Variants in MAGI2 observed in about 807,000 individuals in gnomAD.
MAGI2 encodes the protein membrane associated guanylate kinase, WW and PDZ domain containing 2.
In MAGI2, 35 loss-of-function variants were observed where a neutral mutation model predicts 133.3. The observed-to-expected ratio is 0.26, with a 90% confidence interval of 0.20 to 0.35. MAGI2 has a LOEUF of 0.35. Among genes scored for constraint, MAGI2 ranks in the 10% least tolerant of loss-of-function variants. The pLI is 1.00. For missense variants in MAGI2, 1,636 were observed against 1,863.4 expected, an observed-to-expected ratio of 0.88 and a Z score of 2.25; for synonymous variants, 729 against 710.6, an observed-to-expected ratio of 1.03 and a Z score of -0.41.
At chr7:79,156,035 C>A (rs1443846169) in intron 1 of MAGI2, among the ~76,000 whole-genome samples, 1 of 152,104 alleles carries the variant, frequency 6.6e-6, no homozygotes, top group Non-Finnish European at 1.5e-5. Context: ...TGCCTGAACT[C>A]TTTCAAAATC....
At chr7:78,635,727 A>G (rs538974434) in intron 2 of MAGI2, among the ~76,000 whole-genome samples, 1 of 152,306 alleles carries the variant, frequency 6.6e-6, no homozygotes, top group Non-Finnish European at 1.5e-5. Flanking sequence ...ACTATCTCTT[A>G]GATTCTTGAA....
intron 3 of MAGI2, among the ~76,000 whole-genome samples, chr7:78,559,751 T>G (rs924864823): frequency 3.9e-5 from 6 of 152,146 alleles, no homozygotes; most frequent in Non-Finnish European, 8.8e-5. Flanking sequence ...TGTGACTTTA[T>G]ACTCATAGTC....
chr7:78,501,507 T>A, intron 5 of MAGI2, 70 bp downstream of exon 5: 12 of 1,201,780 alleles, frequency 1.0e-5, no homozygotes, highest in Non-Finnish European at 1.2e-5. Flanking sequence ...TTTCCACGTC[T>A]AACTTGCTAC....
intron 16 of MAGI2, among the ~76,000 whole-genome samples, chr7:78,143,876 G>A (rs1164023221): frequency 6.7e-6 from 1 of 149,976 alleles, no homozygotes; most frequent in African/African-American, 2.4e-5. Flanking sequence ...ATCTTATTCA[G>A]TGTTGCTTAA....
chr7:78,741,169 G>A (rs1271424834), intron 2 of MAGI2, among the ~76,000 whole-genome samples: 2 of 152,022 alleles, frequency 1.3e-5, no homozygotes, highest in African/African-American at 4.8e-5. Flanking sequence ...GGAAGTAAGA[G>A]CTATAGGAAT....
At chr7:78,818,769 A>G (rs2151422785) in intron 2 of MAGI2, among the ~76,000 whole-genome samples, 1 of 152,078 alleles carries the variant, frequency 6.6e-6, no homozygotes, top group East Asian at 1.9e-4. Flanking sequence ...CTTTCTTTCA[A>G]TCAATCTTAT....
intron 6 of MAGI2, among the ~76,000 whole-genome samples, chr7:78,375,637 C>A (rs1229875531): frequency 6.6e-6 from 1 of 151,520 alleles, no homozygotes; most frequent in Admixed American, 6.6e-5. Context: ...AATGACTGTA[C>A]AAAAGAAAAT....
chr7:79,335,690 T>C (rs1840389170), intron 1 of MAGI2, among the ~76,000 whole-genome samples: 1 of 152,054 alleles, frequency 6.6e-6, no homozygotes, highest in Non-Finnish European at 1.5e-5. Context: ...GTAAATCTTT[T>C]TGACAAAATT....
At chr7:78,816,236 G>C in intron 2 of MAGI2, among the ~76,000 whole-genome samples, 1 of 152,302 alleles carries the variant, frequency 6.6e-6, no homozygotes, top group South Asian at 2.1e-4. Context: ...AAAGAGGTGA[G>C]GAAGTTGCAG....
chr7:79,199,857 AGTAAGTTTCTTTTTCTCTGG>A (rs909302705), intron 1 of MAGI2, among the ~76,000 whole-genome samples: 6 of 151,970 alleles, frequency 3.9e-5, no homozygotes, highest in African/African-American at 1.5e-4. Context: ...TTTGGGATGG[AGTAAGTTTCTTTTTCTCTGG>A]GGTGACTGTG....
intron 1 of MAGI2, among the ~76,000 whole-genome samples, chr7:79,068,777 T>C (rs139704229): frequency 0.036 from 5,554 of 152,314 alleles, 216 homozygotes; most frequent in African/African-American, 0.098. Context: ...CCAGAGATTC[T>C]GGTACGTTGT....
intron 1 of MAGI2, among the ~76,000 whole-genome samples, chr7:79,330,178 ATCTTTTTTTT>A (rs1363561278): frequency 1.9e-5 from 2 of 104,426 alleles, no homozygotes; most frequent in African/African-American, 7.7e-5. Flanking sequence ...AACAATCTGC[ATCTTTTTTTT>A]TTTTTTTTTT....
chr7:78,550,849 G>A (rs1252590434), intron 3 of MAGI2, among the ~76,000 whole-genome samples: 2 of 151,780 alleles, frequency 1.3e-5, no homozygotes, highest in Admixed American at 1.3e-4. Context: ...TAATGGTTTA[G>A]TTTTAGGAAT....
intron 18 of MAGI2, among the ~76,000 whole-genome samples, chr7:78,131,700 A>G (rs908143335): frequency 2.0e-5 from 3 of 152,156 alleles, no homozygotes; most frequent in Non-Finnish European, 4.4e-5. Context: ...GCTCCCTGTT[A>G]TATACAAGTC....
At chr7:79,136,078 AAAG>A (rs1821497773) in intron 1 of MAGI2, among the ~76,000 whole-genome samples, 1 of 127,814 alleles carries the variant, frequency 7.8e-6, no homozygotes, top group Non-Finnish European at 1.6e-5. Context: ...GGAAAGAAAG[AAAG>A]AAAGAAAGAA....
At position 78,858,333 on chromosome 7, in the gene MAGI2, A is replaced by G. The variant is rs183176493; in HGVS notation, c.418+148757T>C. Among the ~76,000 whole-genome samples the G allele has an allele frequency of 9.9e-5, 15 of 152,146 alleles. No individual in the cohort carries two copies. The East Asian group carries it at 2.3e-3, about 24-fold the overall frequency. On this transcript the variant is annotated intron_variant, in intron 2 of 21. Transcript: ENST00000354212. The stretch of plus-strand genomic sequence containing the variant: ...TGCTCTTGTTACTCTAGTTCTTTTA[A>G]TTGTGATATTAGCGTGTCAATTTTA...
chr7:79,328,314 T>C (rs1839841156), intron 1 of MAGI2, among the ~76,000 whole-genome samples: 1 of 152,194 alleles, frequency 6.6e-6, no homozygotes, highest in Admixed American at 6.6e-5. Context: ...ATATCAAGAA[T>C]ATCCTCCTGT....
chr7:78,197,242 A>AT (rs1221885709), intron 11 of MAGI2, among the ~76,000 whole-genome samples: 3 of 152,148 alleles, frequency 2.0e-5, no homozygotes, highest in African/African-American at 7.2e-5. Context: ...ATCCTCGGTA[A>AT]TTTTTCACTT....
chr7:78,666,306 ATATCT>A (rs969214728), intron 2 of MAGI2, among the ~76,000 whole-genome samples: 4 of 152,152 alleles, frequency 2.6e-5, no homozygotes, highest in African/African-American at 7.2e-5. Flanking sequence ...ACAGAAACAA[ATATCT>A]TAATGAGGGA....
Sources: allele counts gnomAD v4.1 joint callset (sites outside exome capture counted in the v4.1 genomes callset), GRCh38; gene constraint gnomAD v4.1.1; transcripts MANE v1.5; gene names NCBI Gene and HGNC (gene_info 2026-07-23, HGNC 2026-07-21).